The following CHEK2 variants were observed in gnomAD, a reference collection of about 807,000 sequenced individuals.
The protein encoded by CHEK2 is checkpoint kinase 2.
Under a neutral mutation model 69.1 loss-of-function variants are expected in CHEK2, and 71 were observed. The observed-to-expected ratio is 1.03, with a 90% CI of 0.85 to 1.25. The LOEUF (loss-of-function observed/expected upper bound fraction) is 1.25, where lower values mean the gene tolerates loss of function less well. Ranked by LOEUF, CHEK2 falls within the 50% of genes most tolerant of loss-of-function variation. The probability of loss-of-function intolerance (pLI) is 0.00; values close to 1 mark genes in which losing one functional copy is unlikely to be tolerated. For synonymous variants in CHEK2, 189 were observed against 226.9 expected (o/e 0.83, Z 1.50); for missense variants, 664 against 649.6 (o/e 1.02, Z -0.24).
intron 4 of CHEK2, chr22:28,724,627 C>A (rs2053920744): frequency 5.7e-6 from 2 of 350,204 alleles, no homozygotes; most frequent in Non-Finnish European, 5.6e-6. Flanking sequence ...AGTGCAATGG[C>A]ACGATCTTGG....
intron 7 of CHEK2, among the ~76,000 whole-genome samples, chr22:28,707,220 G>C (rs1403887640): frequency 6.6e-6 from 1 of 152,146 alleles, no homozygotes; most frequent in Non-Finnish European, 1.5e-5. Flanking sequence ...CTTCCACTTA[G>C]GTCATACTGG....
At position 28,695,213 on chromosome 22, in the gene CHEK2, T is replaced by A. The variant is rs2052522389; in HGVS notation, c.1289A>T (p.His430Leu). 2 of 1,612,578 alleles carry A rather than the reference T, an allele frequency of 1.2e-6. No homozygotes were observed. The highest frequency in any genetic ancestry group is 1.7e-6 in the Non-Finnish European group (2 of 1,178,654). The change falls in exon 12 of 15, where the codon CAT becomes CTT. Residue 430 changes from histidine (H) to leucine (L), a missense_variant. Physicochemically the swap from His to Leu is moderately conservative, Grantham distance 99 (BLOSUM62 -3). Coordinates refer to ENST00000404276, the MANE Select transcript of CHEK2 (RefSeq NM_007194.4). ...CLSGYPPFSE[H>L]RTQVSLKDQI... ...ATCCTTCAGTGACACTTGAGTCCTA[T>A]GCTCAGAGAAAGGTGGATACCCACT...
At chr22:28,705,968 A>AAAACTAAACTAAACT (rs60257889) in intron 7 of CHEK2, among the ~76,000 whole-genome samples, 46,559 of 147,244 alleles carry the variant, frequency 0.32, 7,726 homozygotes, top group East Asian at 0.43. Context: ...AACTAAACTA[A>AAAACTAAACTAAACT]AAACTAAACT....
intron 13 of CHEK2, chr22:28,689,493 T>C (rs1601703629): frequency 2.4e-6 from 1 of 409,454 alleles, no homozygotes; most frequent in Non-Finnish European, 4.6e-6. Context: ...CAGTCAAGAG[T>C]TTCTTAATTA....
Position 28,710,214 on chromosome 22 carries a change from T to TA in CHEK2, c.793-156dup, listed in dbSNP as rs2053345039. On this transcript the variant is annotated intron_variant, in intron 6 of 14. Transcript: ENST00000404276. ...TCAAAGCCCAGGTCAATGACTTAAA[T>TA]ACCTCACCTAAAATAACTTTGTAAA... Among the ~76,000 whole-genome samples the TA allele has an allele frequency of 7.2e-5, 11 of 152,320 alleles. No homozygotes were observed. In the South Asian group the frequency reaches 2.3e-3, roughly 32 times the overall value.
chr22:28,699,651 C>A, intron 9 of CHEK2, 187 bp downstream of exon 9: 1 of 608,072 alleles, frequency 1.6e-6, no homozygotes, highest in East Asian at 2.9e-5. Context: ...CATGAACCAC[C>A]GCGCCTCGCC....
chr22:28,708,117 G>C (rs111562203), intron 7 of CHEK2, among the ~76,000 whole-genome samples: 1 of 151,812 alleles, frequency 6.6e-6, no homozygotes, highest in African/African-American at 2.4e-5. Context: ...GGGATTACAG[G>C]CGTGAGCCAC....
intron 2 of CHEK2, among the ~76,000 whole-genome samples, chr22:28,727,188 C>T (rs984276947): frequency 4.6e-5 from 7 of 152,070 alleles, no homozygotes; most frequent in Non-Finnish European, 8.8e-5. Flanking sequence ...ACTACAGGCA[C>T]GTGCCACCAT....
intron 4 of CHEK2, among the ~76,000 whole-genome samples, chr22:28,724,114 A>G (rs1323045928): frequency 6.6e-6 from 1 of 152,198 alleles, no homozygotes; most frequent in Non-Finnish European, 1.5e-5. Context: ...TGATAATTCA[A>G]TTAACAGTAT....
chr22:28,691,347 C>T (rs1376936814), intron 13 of CHEK2, among the ~76,000 whole-genome samples: 2 of 152,148 alleles, frequency 1.3e-5, no homozygotes, highest in East Asian at 3.9e-4. Context: ...GGGATGGTGG[C>T]AGGCACCTGT....
chr22:28,718,883 A>AACACAC (rs144577000), intron 5 of CHEK2, among the ~76,000 whole-genome samples: 4,309 of 140,486 alleles, frequency 0.031, 72 homozygotes, highest in Middle Eastern at 0.066. Context: ...CTCTGACACT[A>AACACAC]ACACACACAC....
chr22:28,702,447 C>T (rs1057436754), intron 8 of CHEK2, among the ~76,000 whole-genome samples: 3 of 151,302 alleles, frequency 2.0e-5, no homozygotes, highest in Admixed American at 6.6e-5. Context: ...ACCGTGTTAG[C>T]CAGGATGGCC....
intron 2 of CHEK2, chr22:28,729,259 G>C (rs1279058519): frequency 7.5e-6 from 2 of 268,366 alleles, no homozygotes; most frequent in Non-Finnish European, 1.5e-5. Context: ...AATTAACCCA[G>C]GACGCCAGGC....
rs530182799 is a variant in CHEK2, at chr22:28,699,132, G to A, written c.1008+706C>T. On this transcript the variant is annotated intron_variant, in intron 9 of 14. Coordinates refer to ENST00000404276, the MANE Select transcript of CHEK2 (RefSeq NM_007194.4). ...CCGTCCTCCCAACTCAGCCTCCAGA[G>A]TGGCTAAGACCACAGGTGCCCGCCA... is the stretch of plus-strand genomic sequence containing the variant. Among the ~76,000 whole-genome samples, 16 of 152,106 alleles carry A rather than the reference G, an allele frequency of 1.1e-4. No individual in the cohort carries two copies. The South Asian group carries it at 3.1e-3, about 30-fold the overall frequency.
intron 2 of CHEK2, 137 bp from the exon 3 acceptor site, chr22:28,725,504 C>T (rs2053973279): frequency 4.5e-6 from 5 of 1,105,052 alleles, no homozygotes; most frequent in Non-Finnish European, 6.8e-6. Flanking sequence ...CAAGATTTTA[C>T]AAGATTAAAA....
intron 2 of CHEK2, among the ~76,000 whole-genome samples, chr22:28,731,255 G>A (rs930316411): frequency 4.6e-5 from 7 of 151,954 alleles, no homozygotes; most frequent in African/African-American, 1.7e-4. Context: ...AATTAAAACT[G>A]TAAAATTTTA....
At chr22:28,739,823 A>G (rs972269668) in intron 1 of CHEK2, among the ~76,000 whole-genome samples, 1 of 152,208 alleles carries the variant, frequency 6.6e-6, no homozygotes, top group Non-Finnish European at 1.5e-5. Context: ...TGCTCTTGAC[A>G]TAAGTAATTT....
intron 5 of CHEK2, among the ~76,000 whole-genome samples, chr22:28,713,117 T>A (rs1376282892): frequency 6.6e-6 from 1 of 152,222 alleles, no homozygotes; most frequent in Non-Finnish European, 1.5e-5. Context: ...TTCTTTCACT[T>A]AGCGTAATGC....
intron 5 of CHEK2, among the ~76,000 whole-genome samples, chr22:28,716,349 A>C (rs1007701839): frequency 2.0e-5 from 3 of 151,766 alleles, no homozygotes; most frequent in Admixed American, 2.0e-4. Context: ...GGCATGCGTC[A>C]CCACACCTGG....
Sources: allele counts gnomAD v4.1 joint callset (sites outside exome capture counted in the v4.1 genomes callset), GRCh38; gene constraint gnomAD v4.1.1; transcripts MANE v1.5; gene names NCBI Gene and HGNC (gene_info 2026-07-23, HGNC 2026-07-21).